STN1: variants seen among roughly 807,000 people sequenced by gnomAD.
STN1 encodes STN1 subunit of CST complex, also known as CST complex subunit STN1.
STN1 carries 29 observed loss-of-function variants against 45.5 expected under a neutral mutation model. The observed-to-expected ratio is 0.64, with a 90% confidence interval of 0.47 to 0.87. The LOEUF (loss-of-function observed/expected upper bound fraction) is 0.87. Ranked by LOEUF, STN1 falls within the 40% of genes least tolerant of loss-of-function variation. The pLI is 0.00. For missense variants in STN1, 376 were observed against 441.4 expected, an observed-to-expected ratio of 0.85 and a Z score of 1.33; for synonymous variants, 148 against 159.0, an observed-to-expected ratio of 0.93 and a Z score of 0.52.
At chr10:103,890,019 T>C (rs533129190) in intron 8 of STN1, among the ~76,000 whole-genome samples, 27 of 152,200 alleles carry the variant, frequency 1.8e-4, no homozygotes, top group African/African-American at 6.0e-4. Flanking sequence ...TAGTCTTTTT[T>C]AACCAGCTCA....
chr10:103,878,319 C>G lies in STN1; in HGVS notation c.*4365G>C, dbSNP rs1347928872. On this transcript the variant is annotated 3_prime_UTR_variant, in exon 10 of 10. Coordinates refer to ENST00000224950, the MANE Select transcript of STN1 (RefSeq NM_024928.5). ...GGAACCCTCTGGCTGGTCTTCAGTA[C>G]ATGAGCAGTGACCCAGCTGTGGTTA... 1 of 152,222 alleles carries G rather than the reference C, an allele frequency of 6.6e-6. No homozygotes were observed. The highest frequency in any genetic ancestry group is 1.5e-5 in the Non-Finnish European group (1 of 68,058). The allele number at this position is 152,222 out of a possible 1,614,324, so 9.4% of individuals were successfully genotyped here. A position where few individuals can be genotyped will look rare whatever the true frequency, so the allele number is the denominator to read the frequency against.
At chr10:103,893,195 CAG>C (rs1257484961) in intron 7 of STN1, among the ~76,000 whole-genome samples, 3 of 151,010 alleles carry the variant, frequency 2.0e-5, no homozygotes, top group South Asian at 2.1e-4. Flanking sequence ...TTTTTTGAGA[CAG>C]AGTCTCTGTC....
chr10:103,911,748 C>T (rs1843292227), intron 2 of STN1, among the ~76,000 whole-genome samples: 1 of 152,160 alleles, frequency 6.6e-6, no homozygotes, highest in Non-Finnish European at 1.5e-5. Context: ...TTCTTCCCCT[C>T]ACATCAAGCA....
At chr10:103,907,316 A>C (rs1165225034) in intron 3 of STN1, among the ~76,000 whole-genome samples, 1 of 152,240 alleles carries the variant, frequency 6.6e-6, no homozygotes, top group Non-Finnish European at 1.5e-5. Context: ...GACGTAGTAT[A>C]TGAGAATAAA....
At chr10:103,899,986 C>T in intron 5 of STN1, 76 bp downstream of exon 5, 1 of 1,447,072 alleles carries the variant, frequency 6.9e-7, no homozygotes, top group Non-Finnish European at 9.5e-7. Flanking sequence ...GAAAGTTTGA[C>T]TTCCAGCTGA....
intron 4 of STN1, among the ~76,000 whole-genome samples, chr10:103,902,666 A>G (rs1184516844): frequency 2.0e-5 from 3 of 152,238 alleles, no homozygotes; most frequent in Non-Finnish European, 4.4e-5. Flanking sequence ...ATGAAAGCTA[A>G]TATTATATTC....
chr10:103,914,578 T>A (rs918068006), intron 2 of STN1, among the ~76,000 whole-genome samples: 2 of 151,418 alleles, frequency 1.3e-5, no homozygotes, highest in African/African-American at 4.9e-5. Flanking sequence ...GGTCTTGAAC[T>A]CTGGGCTCAA....
chr10:103,913,669 T>G (rs1012696725), intron 2 of STN1, among the ~76,000 whole-genome samples: 1 of 152,062 alleles, frequency 6.6e-6, no homozygotes, highest in African/African-American at 2.4e-5. Flanking sequence ...AAAAAAGAAT[T>G]AGAGAGCCAT....
Position 103,887,319 on chromosome 10 carries a change from AATATG to A in STN1, c.949+1748_949+1752del, listed in dbSNP as rs558107877. On this transcript the variant is annotated intron_variant, in intron 9 of 9. Coordinates refer to ENST00000224950, the MANE Select transcript of STN1 (RefSeq NM_024928.5). ...CTTGTGTTTTCTGTCAAGGATAAAT[AATATG>A]ATATGTTTGTAAGTGCATATCTGTA... Among the ~76,000 whole-genome samples, 243 of 152,354 alleles carry A rather than the reference AATATG, an allele frequency of 1.6e-3. 2 individuals are homozygous for A. Among genetic ancestry groups the A allele is most frequent in the African/African-American group, 5.7e-3 (237 of 41,576 alleles).
At chr10:103,911,014 C>CT (rs10668099) in intron 2 of STN1, among the ~76,000 whole-genome samples, 128,515 of 143,144 alleles carry the variant, frequency 0.9, 58,919 homozygotes, top group East Asian at 1. Context: ...GCTTCTTTGG[C>CT]TTTTTTTTTT....
At position 103,879,654 on chromosome 10, in the gene STN1, G is replaced by A. The variant is rs1843054897; in HGVS notation, c.*3030C>T. ...TGTGCAGCCTCAGGCTCCTACCTGGGGCAAGACCGAAGGCTGTAGGAGAGT... is the reference window on the plus strand; with the variant it reads ...TGTGCAGCCTCAGGCTCCTACCTGGAGCAAGACCGAAGGCTGTAGGAGAGT... On this transcript the variant is annotated 3_prime_UTR_variant, in exon 10 of 10. Transcript: ENST00000224950. The A allele has an allele frequency of 6.5e-6, 1 of 152,694 alleles. No homozygotes were observed. The highest frequency in any genetic ancestry group is 2.4e-5 in the African/African-American group (1 of 41,462). The allele number at this position is 152,694 out of a possible 1,614,324, so 9.5% of individuals were successfully genotyped here. A position where few individuals can be genotyped will look rare whatever the true frequency, so the allele number is the denominator to read the frequency against.
rs1843058383 is a variant in STN1 at position 103,880,074 on chromosome 10, TC to T, written c.*2609del. The stretch of plus-strand genomic sequence containing the variant: ...TCACCCGCCTGGGCCAAGTATGGCT[TC>T]CACACTGGTTGAGTTCTTGCCCAGC... On this transcript the variant is annotated 3_prime_UTR_variant, in exon 10 of 10. Transcript: ENST00000224950. Among the ~76,000 whole-genome samples, 1 of 152,198 alleles carries T rather than the reference TC, an allele frequency of 6.6e-6. No individual in the cohort carries two copies. The highest frequency in any genetic ancestry group is 1.5e-5 in the Non-Finnish European group (1 of 68,030).
chr10:103,912,479 A>G (rs1843298404), intron 2 of STN1, among the ~76,000 whole-genome samples: 1 of 152,316 alleles, frequency 6.6e-6, no homozygotes, highest in East Asian at 1.9e-4. Flanking sequence ...AAGGATAGGG[A>G]GCCTGCAGAG....
intron 6 of STN1, among the ~76,000 whole-genome samples, chr10:103,898,019 T>C (rs1260728297): frequency 6.6e-6 from 1 of 152,184 alleles, no homozygotes; most frequent in Non-Finnish European, 1.5e-5. Context: ...TGGGTGAATA[T>C]TCATGCTTGT....
rs2134365719 is a variant in STN1 at position 103,898,816 on chromosome 10, G to C, written c.581+61C>G. The C allele has an allele frequency of 2.5e-6, 4 of 1,598,962 alleles. No homozygotes were observed. The South Asian group carries it at 4.4e-5, about 18-fold the overall frequency. ...AACCTAGGCCGATCCCAGCATCTGG[G>C]CTCAGCTGCTTCAGTTTTCTGCCGT... On this transcript the variant is annotated intron_variant, in intron 6 of 9. Transcript: ENST00000224950.
rs1438170570 is a variant in STN1 at position 103,878,385 on chromosome 10, T to C, written c.*4299A>G. On this transcript the variant is annotated 3_prime_UTR_variant, in exon 10 of 10. Coordinates refer to ENST00000224950, the MANE Select transcript of STN1 (RefSeq NM_024928.5). Reference sequence around the variant, plus strand: ...CTAAGAGTCCCTCATGTTCTTAGAGTTCTGATGTTGCTTAGAAGACAGAGG... The same window carrying C: ...CTAAGAGTCCCTCATGTTCTTAGAGCTCTGATGTTGCTTAGAAGACAGAGG... 2.0e-5 allele frequency: 3 copies of C among 152,142 alleles called. No homozygotes were observed. Among genetic ancestry groups the C allele is most frequent in the African/African-American group, 4.8e-5 (2 of 41,418 alleles). 9.4% of individuals were successfully genotyped at this position (152,142 alleles called of 1,614,324 possible). A position where few individuals can be genotyped will look rare whatever the true frequency, so the allele number is the denominator to read the frequency against.
chr10:103,900,173 G>C lies in STN1; in HGVS notation c.346C>G (p.Leu116Val). ...ELSLTSQLKK[L>V]QETIEQKTKI... Reference sequence around the variant, plus strand: ...GTTTTCTGCTCAATGGTCTCTTGTAGCTTCTTAAGTTGTGAGGTTAAGCTG... The same window carrying C: ...GTTTTCTGCTCAATGGTCTCTTGTACCTTCTTAAGTTGTGAGGTTAAGCTG... Residue 116 changes from leucine (L) to valine (V), a missense_variant, in exon 5 of 10, where the codon CTA becomes GTA. Physicochemically the swap from Leu to Val is conservative, Grantham distance 32 (BLOSUM62 1). Transcript: ENST00000224950. The C allele has an allele frequency of 6.2e-7, 1 of 1,614,142 alleles. No individual in the cohort carries two copies. The highest frequency in any genetic ancestry group is 8.5e-7 in the Non-Finnish European group (1 of 1,180,020).
At chr10:103,914,362 ATATATATATATATT>A (rs1398706972) in intron 2 of STN1, among the ~76,000 whole-genome samples, 11 of 12,442 alleles carry the variant, frequency 8.8e-4, no homozygotes, top group South Asian at 3.3e-3. Flanking sequence ...ATATATATAT[ATATATATATATATT>A]TTTTTTTTTT....
intron 3 of STN1, among the ~76,000 whole-genome samples, chr10:103,908,198 T>C (rs563108573): frequency 6.6e-6 from 1 of 152,218 alleles, no homozygotes; most frequent in East Asian, 1.9e-4. Flanking sequence ...GTCTTGACTG[T>C]AGCCTTCCAA....
Sources: allele counts gnomAD v4.1 joint callset (sites outside exome capture counted in the v4.1 genomes callset), GRCh38; gene constraint gnomAD v4.1.1; transcripts MANE v1.5; gene names NCBI Gene and HGNC (gene_info 2026-07-23, HGNC 2026-07-21).